Variants in USF2 observed in about 807,000 individuals in gnomAD.
The protein encoded by USF2 is upstream stimulatory factor 2.
USF2 carries 16 observed loss-of-function variants against 46.9 expected under a neutral mutation model. That is an observed-to-expected ratio of 0.34 (90% CI 0.23 to 0.52). The LOEUF is 0.52. USF2 is among the 20% of genes least tolerant of loss of function. The probability of loss-of-function intolerance (pLI) is 0.96; values close to 1 mark genes in which losing one functional copy is unlikely to be tolerated. For missense variants in USF2, 411 were observed against 474.0 expected, an observed-to-expected ratio of 0.87 and a Z score of 1.23; for synonymous variants, 239 against 194.1, an observed-to-expected ratio of 1.23 and a Z score of -1.92.
intron 7 of USF2, 198 bp from the exon 8 acceptor site, chr19:35,278,500 A>T: frequency 1.7e-6 from 1 of 601,244 alleles, no homozygotes; most frequent in South Asian, 2.0e-5. Context: ...TGGAGGGCCC[A>T]CGTTTCTTTG....
rs751443397 is a variant in USF2 at position 35,271,061 on chromosome 19, T to C, written c.669-22T>C. The C allele has an allele frequency of 2.9e-4, 467 of 1,597,810 alleles. 2 individuals carry two copies. Among genetic ancestry groups the C allele is most frequent in the South Asian group, 2.3e-3 (207 of 89,776 alleles). On this transcript the variant is annotated intron_variant, in intron 6 of 9. Transcript: ENST00000222305. ...CAGCTCTGCGATAATACATGCCCCC[T>C]TTTTTTTTCCTCCTCTTGTAGAAAA...
Position 35,278,934 on chromosome 19 carries a change from CTCG to C in USF2, c.823-11_823-9del, listed in dbSNP as rs1346428880. 1 of 1,557,154 alleles carries C rather than the reference CTCG, an allele frequency of 6.4e-7. No individual in the cohort carries two copies. Among genetic ancestry groups the C allele is most frequent in the African/African-American group, 1.4e-5 (1 of 73,312 alleles). On this transcript the variant is annotated splice_polypyrimidine_tract_variant and intron_variant, in intron 8 of 9. Coordinates refer to ENST00000222305, the MANE Select transcript of USF2 (RefSeq NM_003367.4). ...TGCCTGCCCTAAGGCTCCTGGTCCC[CTCG>C]CCCCCCAGAGTAAAGGAGGGATCCT...
At chr19:35,276,307 T>A (rs558339985) in intron 7 of USF2, among the ~76,000 whole-genome samples, 75 of 152,248 alleles carry the variant, frequency 4.9e-4, no homozygotes, top group African/African-American at 1.8e-3. Context: ...CCTGGCCTCA[T>A]GTGATCCACC....
Position 35,270,402 on chromosome 19 carries a change from G to C in USF2, c.430-45G>C, listed in dbSNP as rs182487815. On this transcript the variant is annotated intron_variant, in intron 4 of 9. Coordinates refer to ENST00000222305, the MANE Select transcript of USF2 (RefSeq NM_003367.4). ...CACAGCAATGAGGGGACGGGATGGA[G>C]GAACAGAGAAAGCTAAGGGTAGCCT... The C allele has an allele frequency of 8.2e-6, 13 of 1,588,358 alleles. No homozygotes were observed. The South Asian group carries it at 1.0e-4, about 13-fold the overall frequency.
At chr19:35,270,204 TG>T in intron 4 of USF2, 1 of 854,628 alleles carries the variant, frequency 1.2e-6, no homozygotes, top group Non-Finnish European at 1.7e-6. Context: ...TCCCGCAAAA[TG>T]GGAATGATGT....
In USF2 at chr19:35,279,164, C is replaced by T. The variant is rs375559081; in HGVS notation, c.952-3C>T. 3.9e-5 allele frequency: 63 copies of T among 1,609,622 alleles called. No individual in the cohort carries two copies. The highest frequency in any genetic ancestry group is 5.1e-5 in the Non-Finnish European group (60 of 1,178,284). ...CTCCCTTGACCTCCGTCGTGTCCGC[C>T]AGATCGAGGAGCTGAAGAATGAGAA... On this transcript the variant is annotated splice_region_variant and splice_polypyrimidine_tract_variant and intron_variant, in intron 9 of 9. Coordinates refer to ENST00000222305, the MANE Select transcript of USF2 (RefSeq NM_003367.4).
In USF2 at chr19:35,278,808, C is replaced by G. The variant is rs760955391; in HGVS notation, c.822+16C>G. On this transcript the variant is annotated intron_variant, in intron 8 of 9. Coordinates refer to ENST00000222305, the MANE Select transcript of USF2 (RefSeq NM_003367.4). Reference sequence around the variant, plus strand: ...GACGGGAGCGGTGAGCACCCCGGACCCTCAGTGTCTGCGGTGGTCCCGGCC... The same window carrying G: ...GACGGGAGCGGTGAGCACCCCGGACGCTCAGTGTCTGCGGTGGTCCCGGCC... The G allele has an allele frequency of 6.2e-7, 1 of 1,613,638 alleles. No individual in the cohort carries two copies. The highest frequency in any genetic ancestry group is 8.5e-7 in the Non-Finnish European group (1 of 1,179,758).
rs546908838 is a variant in USF2 at position 35,271,107 on chromosome 19, C to T, written c.693C>T (p.Pro231=). Reference sequence around the variant, plus strand: ...GAAAAATTGATGGAACCAGAACACCCCGAGATGAGAGGAGAAGAGCCCAGC... The same window carrying T: ...GAAAAATTGATGGAACCAGAACACCTCGAGATGAGAGGAGAAGAGCCCAGC... ...YSPKIDGTRT[P]RDERRRAQHN... The change falls in exon 7 of 10, where the codon CCC becomes CCT. Residue 231 remains proline, a synonymous_variant. Coordinates refer to ENST00000222305, the MANE Select transcript of USF2 (RefSeq NM_003367.4). The T allele has an allele frequency of 3.1e-6, 5 of 1,613,852 alleles. No individual in the cohort carries two copies. The highest frequency in any genetic ancestry group is 4.2e-6 in the Non-Finnish European group (5 of 1,179,982).
chr19:35,271,017 T>C, intron 6 of USF2, 66 bp from the exon 7 acceptor site: 1 of 1,590,700 alleles, frequency 6.3e-7, no homozygotes, highest in Non-Finnish European at 8.6e-7. Context: ...ATCTAATACT[T>C]AGCAGATGCT....
At chr19:35,270,901 T>A in intron 6 of USF2, 96 bp downstream of exon 6, 1 of 1,500,714 alleles carries the variant, frequency 6.7e-7, no homozygotes. Flanking sequence ...AGTGGGCACA[T>A]GGTGTAATGT....
chr19:35,273,106 A>AGTTAATCTG (rs1190039945), intron 7 of USF2, among the ~76,000 whole-genome samples: 8 of 151,774 alleles, frequency 5.3e-5, no homozygotes, highest in Non-Finnish European at 1.0e-4. Flanking sequence ...GCAGCCTTGA[A>AGTTAATCTG]ACTTTCTCAC....
chr19:35,274,564 G>A (rs1372246493), intron 7 of USF2, among the ~76,000 whole-genome samples: 1 of 152,142 alleles, frequency 6.6e-6, no homozygotes, highest in African/African-American at 2.4e-5. Context: ...ATTACATTTT[G>A]GCCAAGACGG....
At chr19:35,271,321 A>G (rs895476065) in intron 7 of USF2, among the ~76,000 whole-genome samples, 180 bp downstream of exon 7, 3 of 152,220 alleles carry the variant, frequency 2.0e-5, no homozygotes, top group African/African-American at 7.2e-5. Flanking sequence ...ACAGTGTCAG[A>G]AGTAGAGGGA....
intron 4 of USF2, 123 bp from the exon 5 acceptor site, chr19:35,270,324 C>T (rs751870949): frequency 7.3e-7 from 1 of 1,376,000 alleles, no homozygotes; most frequent in East Asian, 2.4e-5. Context: ...GAATGCTACA[C>T]GCAGAAGGAG....
intron 4 of USF2, 187 bp from the exon 5 acceptor site, chr19:35,270,260 G>T (rs943028512): frequency 1.0e-6 from 1 of 972,232 alleles, no homozygotes; most frequent in Non-Finnish European, 1.5e-6. Context: ...GATTTGCTCA[G>T]CAAGTGATCG....
rs2066124132 is a variant in USF2 at position 35,269,945 on chromosome 19, A to G, written c.371A>G (p.Gln124Arg). The G allele has an allele frequency of 3.0e-6, 4 of 1,344,184 alleles. No individual in the cohort carries two copies. The highest frequency in any genetic ancestry group is 3.8e-6 in the Non-Finnish European group (4 of 1,054,622). 83.3% of individuals were successfully genotyped at this position (1,344,184 alleles called of 1,614,324 possible). The change falls in exon 4 of 10, where the codon CAG becomes CGG. Residue 124 changes from glutamine to arginine, a missense_variant. Physicochemically the swap from Gln to Arg is conservative, Grantham distance 43. Transcript: ENST00000222305. ...VTQVGVDGAA[Q>R]RPGPAAASVP... ...CAGGTGGGTGTGGACGGGGCAGCCCAGCGCCCGGGCCCCGCCGCTGCCTCT... is the reference window on the plus strand; with the variant it reads ...CAGGTGGGTGTGGACGGGGCAGCCCGGCGCCCGGGCCCCGCCGCTGCCTCT...
chr19:35,269,900 G>C lies in USF2; in HGVS notation c.326G>C (p.Gly109Ala). ...VSVVSTAAFA[G>A]GQQAVTQVGV... ...GTCGTGTCCACCGCTGCCTTCGCGG[G>C]GGGGCAGCAGGCTGTGACCCAGGTG... The change falls in exon 4 of 10, where the codon GGG becomes GCG. Residue 109 changes from glycine (G) to alanine (A), a missense_variant. Transcript: ENST00000222305. 1 of 1,388,356 alleles carries C rather than the reference G, an allele frequency of 7.2e-7. No homozygotes were observed. Among genetic ancestry groups the C allele is most frequent in the Non-Finnish European group, 9.3e-7 (1 of 1,079,844 alleles). 86.0% of individuals were successfully genotyped at this position (1,388,356 alleles called of 1,614,324 possible).
At chr19:35,276,096 G>GAGTC (rs1456241442) in intron 7 of USF2, among the ~76,000 whole-genome samples, 8 of 113,112 alleles carry the variant, frequency 7.1e-5, no homozygotes, top group Admixed American at 6.2e-4. Context: ...TTTTGAGACA[G>GAGTC]AGTCTCGCTC....
chr19:35,278,186 A>T (rs940112730), intron 7 of USF2: 1 of 153,084 alleles, frequency 6.5e-6, no homozygotes, highest in Non-Finnish European at 1.5e-5. Context: ...AGAGATGAGG[A>T]AAAAAAACAA....
Sources: gnomAD v4.1 joint callset for allele counts (sites outside exome capture counted in the v4.1 genomes callset) on GRCh38, gnomAD v4.1.1 for gene constraint, MANE v1.5 for transcripts, NCBI Gene and HGNC (gene_info 2026-07-23, HGNC 2026-07-21) for gene names.